TNFSF10: variants seen among roughly 807,000 people sequenced by gnomAD.
TNFSF10 encodes tumor necrosis factor ligand superfamily member 10.
A neutral mutation model predicts 29.5 loss-of-function variants in TNFSF10; 13 were observed. The observed-to-expected ratio is 0.44, with a 90% confidence interval of 0.29 to 0.70. The LOEUF is 0.70. TNFSF10 is among the 30% of genes least tolerant of loss of function. TNFSF10 has a pLI of 0.13. For missense variants in TNFSF10, 345 were observed against 330.9 expected (o/e 1.04, Z -0.33); for synonymous variants, 111 against 112.8 (o/e 0.98, Z 0.10).
At chr3:172,513,648 A>G (rs1292168324) in intron 2 of TNFSF10, among the ~76,000 whole-genome samples, 4 of 152,220 alleles carry the variant, frequency 2.6e-5, no homozygotes, top group East Asian at 1.9e-4. Context: ...CAGTATTTAT[A>G]TGGAGAAACA....
chr3:172,516,127 G>T (rs1012528794), intron 1 of TNFSF10, among the ~76,000 whole-genome samples: 1 of 152,148 alleles, frequency 6.6e-6, no homozygotes, highest in Non-Finnish European at 1.5e-5. Flanking sequence ...AGCTGGGCGT[G>T]GTGGCGGGCG....
chr3:172,513,484 A>C (rs1184451511), intron 2 of TNFSF10, among the ~76,000 whole-genome samples: 1 of 152,206 alleles, frequency 6.6e-6, no homozygotes, highest in East Asian at 1.9e-4. Flanking sequence ...GTCTGGAGCA[A>C]TGCCGCCAGG....
In TNFSF10 at chr3:172,509,343, G is replaced by C. The variant is rs184058351; in HGVS notation, c.314-22C>G. The C allele has an allele frequency of 7.2e-5, 115 of 1,597,988 alleles. No individual in the cohort carries two copies. In the East Asian group the frequency reaches 2.1e-3, roughly 29 times the overall value. ...TTTTCTAAAAGAGAAATGATAAAGG[G>C]TCATCAACACTTGCCAAACTAGTTC... On this transcript the variant is annotated intron_variant, in intron 3 of 4. Transcript: ENST00000241261.
rs1712980065 is a variant in TNFSF10 at position 172,506,307 on chromosome 3, T to G, written c.*185A>C. ...ATTCTCTTGGGATAAGTGAGTCACTTTCAGAACAGTGTGTGTTGTAGAATT... is the reference window on the plus strand; with the variant it reads ...ATTCTCTTGGGATAAGTGAGTCACTGTCAGAACAGTGTGTGTTGTAGAATT... On this transcript the variant is annotated 3_prime_UTR_variant, in exon 5 of 5. Transcript: ENST00000241261. 6.6e-6 allele frequency: 4 copies of G among 606,894 alleles called. No individual in the cohort carries two copies. Among genetic ancestry groups the G allele is most frequent in the Non-Finnish European group, 1.1e-5 (4 of 360,994 alleles). The allele number at this position is 606,894 out of a possible 1,614,324, so 37.6% of individuals were successfully genotyped here. A position where few individuals can be genotyped will look rare whatever the true frequency, so the allele number is the denominator to read the frequency against.
Position 172,506,285 on chromosome 3 carries a change from C to T in TNFSF10, c.*207G>A, listed in dbSNP as rs1131535. On this transcript the variant is annotated 3_prime_UTR_variant, in exon 5 of 5. Transcript: ENST00000241261. ...TGAAAGATCTTTCAGCAATTTCATTCTCTTGGGATAAGTGAGTCACTTTCA... is the reference window on the plus strand; with the variant it reads ...TGAAAGATCTTTCAGCAATTTCATTTTCTTGGGATAAGTGAGTCACTTTCA... 0.45 allele frequency: 233,928 copies of T among 516,014 alleles called. 55,064 individuals carry two copies. The highest frequency in any genetic ancestry group is 0.66 in the African/African-American group (33,060 of 49,936). 32.0% of individuals were successfully genotyped at this position (516,014 alleles called of 1,614,324 possible). A position where few individuals can be genotyped will look rare whatever the true frequency, so the allele number is the denominator to read the frequency against.
intron 1 of TNFSF10, chr3:172,522,516 A>G (rs1051339994): frequency 2.4e-6 from 2 of 826,134 alleles, no homozygotes; most frequent in African/African-American, 1.7e-5. Flanking sequence ...ATTGGACTCA[A>G]AAGGAAAACT....
Position 172,506,658 on chromosome 3 carries a change from C to T in TNFSF10, c.680G>A (p.Arg227Lys), listed in dbSNP as rs755195766. Residue 227 changes from arginine to lysine, a missense_variant, in exon 5 of 5, where the codon AGA (arginine) becomes AAA (lysine). Transcript: ENST00000241261. ...PDPILLMKSA[R>K]NSCWSKDAEY... is the part of the protein sequence containing the mutation. ...TGCATCTTTAGACCAACAACTATTT[C>T]TAGCACTTTTCATCAACAATATAGG... is the stretch of plus-strand genomic sequence containing the variant. 1.2e-6 allele frequency: 2 copies of T among 1,614,174 alleles called. No individual in the cohort carries two copies. The highest frequency in any genetic ancestry group is 2.2e-5 in the South Asian group (2 of 91,082).
chr3:172,509,152 A>C, intron 4 of TNFSF10, 65 bp downstream of exon 4: 1 of 1,378,786 alleles, frequency 7.3e-7, no homozygotes, highest in Non-Finnish European at 1.0e-6. Context: ...TCTTTAAAAA[A>C]TAAGTTACTT....
chr3:172,515,336 A>T (rs927976964), intron 1 of TNFSF10, among the ~76,000 whole-genome samples: 1 of 152,126 alleles, frequency 6.6e-6, no homozygotes, highest in Admixed American at 6.5e-5. Flanking sequence ...GAGCCGGTTC[A>T]CTATGGTGAT....
At chr3:172,519,389 C>G (rs1161200513) in intron 1 of TNFSF10, among the ~76,000 whole-genome samples, 1 of 152,140 alleles carries the variant, frequency 6.6e-6, no homozygotes, top group Non-Finnish European at 1.5e-5. Context: ...CTGGTTGATT[C>G]AATCTTAAAA....
chr3:172,506,293 A>T lies in TNFSF10; in HGVS notation c.*199T>A. The T allele has an allele frequency of 1.8e-6, 1 of 544,716 alleles. No individual in the cohort carries two copies. Among genetic ancestry groups the T allele is most frequent in the Non-Finnish European group, 3.2e-6 (1 of 315,962 alleles). 33.7% of individuals were successfully genotyped at this position (544,716 alleles called of 1,614,324 possible). A position where few individuals can be genotyped will look rare whatever the true frequency, so the allele number is the denominator to read the frequency against. On this transcript the variant is annotated 3_prime_UTR_variant, in exon 5 of 5. Coordinates refer to ENST00000241261, the MANE Select transcript of TNFSF10 (RefSeq NM_003810.4). ...CTTTCAGCAATTTCATTCTCTTGGG[A>T]TAAGTGAGTCACTTTCAGAACAGTG...
At chr3:172,523,179 C>T in intron 1 of TNFSF10, 74 bp downstream of exon 1, 2 of 1,480,978 alleles carry the variant, frequency 1.4e-6, no homozygotes, top group Non-Finnish European at 9.1e-7. Context: ...GAGGGGCAAG[C>T]TGACATGCAA....
chr3:172,506,928 A>T lies in TNFSF10; in HGVS notation c.419-9T>A, dbSNP rs746968438. The T allele has an allele frequency of 2.5e-6, 4 of 1,575,176 alleles. No homozygotes were observed. Among genetic ancestry groups the T allele is most frequent in the Non-Finnish European group, 2.6e-6 (3 of 1,163,852 alleles). On this transcript the variant is annotated splice_polypyrimidine_tract_variant and intron_variant, in intron 4 of 4. Transcript: ENST00000241261. ...CTTTTCATTCTTGGAGTCTGTAGGA[A>T]ATTTAGAGAGAAAGAGCGTTAACAG... is the stretch of plus-strand genomic sequence containing the variant.
At chr3:172,517,952 C>T in intron 1 of TNFSF10, 1 of 985,588 alleles carries the variant, frequency 1.0e-6, no homozygotes, top group Non-Finnish European at 1.2e-6. Context: ...TCACATGTTT[C>T]TTGCATCATG....
intron 3 of TNFSF10, among the ~76,000 whole-genome samples, chr3:172,511,243 A>C (rs1373190397): frequency 2.0e-5 from 3 of 152,218 alleles, no homozygotes; most frequent in Non-Finnish European, 4.4e-5. Context: ...GCCTGAAACA[A>C]AGAAGGGTAA....
intron 3 of TNFSF10, among the ~76,000 whole-genome samples, chr3:172,509,790 A>G (rs914400040): frequency 2.6e-5 from 4 of 152,142 alleles, no homozygotes; most frequent in East Asian, 1.9e-4. Context: ...TATCCTGGCT[A>G]ACACGGTGAA....
In TNFSF10 at chr3:172,512,936, G is replaced by A. The variant is rs79502229; in HGVS notation, c.271-1277C>T. 6.7e-3 allele frequency among the ~76,000 whole-genome samples: 1,023 copies of A among 152,264 alleles called. 8 individuals are homozygous for A. Among genetic ancestry groups the A allele is most frequent in the Non-Finnish European group, 0.011 (772 of 68,014 alleles). On this transcript the variant is annotated intron_variant, in intron 2 of 4. Transcript: ENST00000241261. ...TCTATTTTTAAAATATATTTAAGAG[G>A]ATAATAACGATTTATTATTCAGAGC... is the stretch of plus-strand genomic sequence containing the variant.
chr3:172,515,084 T>C (rs1713376897), intron 1 of TNFSF10, 86 bp from the exon 2 acceptor site: 1 of 1,576,858 alleles, frequency 6.3e-7, no homozygotes, highest in Non-Finnish European at 8.6e-7. Flanking sequence ...CAGAAACTGA[T>C]AGCAGACTTA....
intron 1 of TNFSF10, among the ~76,000 whole-genome samples, chr3:172,515,204 G>A (rs1385728006): frequency 6.6e-6 from 1 of 151,918 alleles, no homozygotes; most frequent in East Asian, 1.9e-4. Flanking sequence ...TGGATATGGT[G>A]GAAAGGATGC....
Sources: allele counts gnomAD v4.1 joint callset (sites outside exome capture counted in the v4.1 genomes callset), GRCh38; gene constraint gnomAD v4.1.1; transcripts MANE v1.5; gene names NCBI Gene and HGNC (gene_info 2026-07-23, HGNC 2026-07-21).